The following TEX29 variants were observed in gnomAD, a reference collection of about 807,000 sequenced individuals.
TEX29 encodes testis expressed 29.
TEX29 carries 26 observed loss-of-function variants against 18.2 expected under a neutral mutation model. That is an observed-to-expected ratio of 1.43 (90% CI 1.04 to 1.98). The LOEUF (loss-of-function observed/expected upper bound fraction) is 1.98, where lower values mean the gene tolerates loss of function less well. Ranked by LOEUF, TEX29 falls within the 30% of genes most tolerant of loss-of-function variation. The pLI is 0.00. For synonymous variants in TEX29, 83 were observed against 78.5 expected (o/e 1.06, Z -0.31); for missense variants, 177 against 194.2 (o/e 0.91, Z 0.53).
chr13:111,322,729 A>G (rs2093666783), intron 2 of TEX29, among the ~76,000 whole-genome samples: 1 of 152,224 alleles, frequency 6.6e-6, no homozygotes, highest in African/African-American at 2.4e-5. Flanking sequence ...TGAAGAACGC[A>G]TGCAGGGGCG....
At chr13:111,339,472 C>G in intron 3 of TEX29, 1 of 412,650 alleles carries the variant, frequency 2.4e-6, no homozygotes, top group Non-Finnish European at 4.7e-6. Flanking sequence ...AGCACAACCC[C>G]GTGGGTCAGG....
chr13:111,335,599 A>G (rs2093688503), intron 3 of TEX29, among the ~76,000 whole-genome samples: 1 of 148,024 alleles, frequency 6.8e-6, no homozygotes, highest in Non-Finnish European at 1.5e-5. Flanking sequence ...CATTTCCATC[A>G]TAGAGTTGGA....
chr13:111,324,737 C>G (rs2093669964), intron 2 of TEX29, among the ~76,000 whole-genome samples: 1 of 152,206 alleles, frequency 6.6e-6, no homozygotes, highest in South Asian at 2.1e-4. Flanking sequence ...AACGATGATG[C>G]CTCACTGCCT....
In TEX29 at chr13:111,334,189, T is replaced by C. The variant is rs189038657; in HGVS notation, c.170-5674T>C. Among the ~76,000 whole-genome samples, 486 of 152,332 alleles carry C rather than the reference T, an allele frequency of 3.2e-3. 8 individuals are homozygous for C. Among genetic ancestry groups the C allele is most frequent in the African/African-American group, 0.011 (463 of 41,562 alleles). Reference sequence around the variant, plus strand: ...TGAAAATTGGACATTTTAGGTAAGATAATATAGCACCTCTGAGAATCGGGT... The same window carrying C: ...TGAAAATTGGACATTTTAGGTAAGACAATATAGCACCTCTGAGAATCGGGT... On this transcript the variant is annotated intron_variant, in intron 3 of 5. Transcript: ENST00000283547.
At chr13:111,342,452 T>C (rs916584106) in intron 4 of TEX29, among the ~76,000 whole-genome samples, 4 of 147,308 alleles carry the variant, frequency 2.7e-5, no homozygotes, top group African/African-American at 1.0e-4. Flanking sequence ...CCCAGCACTT[T>C]GGGAGGCTGA....
Position 111,330,898 on chromosome 13 carries a change from G to A in TEX29, c.169+2605G>A, listed in dbSNP as rs117295453. On this transcript the variant is annotated intron_variant, in intron 3 of 5. Coordinates refer to ENST00000283547, the MANE Select transcript of TEX29 (RefSeq NM_152324.3). ...TCAGTACTTCCTTTCTGTTTATTGC[G>A]GAGTCATTGTCCACTGTATAGGTAT... 2.3e-3 allele frequency among the ~76,000 whole-genome samples: 357 copies of A among 152,202 alleles called. 6 individuals are homozygous for A. The East Asian group carries it at 0.034, about 14-fold the overall frequency.
rs1447835073 is a variant in TEX29 at position 111,342,915 on chromosome 13, C to T, written c.399C>T (p.Asp133=). The T allele has an allele frequency of 8.1e-6, 13 of 1,613,958 alleles. No homozygotes were observed. The highest frequency in any genetic ancestry group is 6.7e-5 in the African/African-American group (5 of 74,892). ...PPSAGPSMKS[D]EDKDDVTGTI... ...GTGCTGGGCCCTCGATGAAGAGTGACGAGGATAAGGATGATGGTGAGAAGC... is the reference window on the plus strand; with the variant it reads ...GTGCTGGGCCCTCGATGAAGAGTGATGAGGATAAGGATGATGGTGAGAAGC... The change falls in exon 5 of 6, where the codon GAC becomes GAT. Residue 133 remains aspartate (D), a synonymous_variant. Transcript: ENST00000283547.
chr13:111,320,693 T>C lies in TEX29; in HGVS notation c.-104T>C. Reference sequence around the variant, plus strand: ...CCAGTTTGTTGTTTTACCTAAAAGGTGTTTTCCACGTGGAGTGGGACTGAG... The same window carrying C: ...CCAGTTTGTTGTTTTACCTAAAAGGCGTTTTCCACGTGGAGTGGGACTGAG... On this transcript the variant is annotated 5_prime_UTR_variant, in exon 1 of 6. Coordinates refer to ENST00000283547, the MANE Select transcript of TEX29 (RefSeq NM_152324.3). 1.5e-6 allele frequency: 1 copy of C among 645,418 alleles called. No homozygotes were observed. Among genetic ancestry groups the C allele is most frequent in the Non-Finnish European group, 2.8e-6 (1 of 357,208 alleles). The allele number at this position is 645,418 out of a possible 1,614,324, so 40.0% of individuals were successfully genotyped here. A position where few individuals can be genotyped will look rare whatever the true frequency, so the allele number is the denominator to read the frequency against.
At chr13:111,328,920 C>T (rs2093678539) in intron 3 of TEX29, among the ~76,000 whole-genome samples, 1 of 152,170 alleles carries the variant, frequency 6.6e-6, no homozygotes, top group African/African-American at 2.4e-5. Context: ...GGAGGCGCGC[C>T]CTTCAGAGGA....
chr13:111,319,426 G>A (rs1033208878), upstream of TEX29, among the ~76,000 whole-genome samples: 5 of 152,168 alleles, frequency 3.3e-5, no homozygotes, highest in Admixed American at 3.3e-4. Context: ...TACATAGCAG[G>A]TGAACCTTCT....
chr13:111,325,261 C>A (rs891654924), intron 2 of TEX29, among the ~76,000 whole-genome samples: 6 of 152,260 alleles, frequency 3.9e-5, no homozygotes, highest in African/African-American at 1.2e-4. Flanking sequence ...TCTCCCTCTT[C>A]CCAGCCACGC....
upstream of TEX29, among the ~76,000 whole-genome samples, chr13:111,316,486 C>T (rs1162274790): frequency 1.3e-5 from 2 of 152,238 alleles, no homozygotes; most frequent in Non-Finnish European, 2.9e-5. Context: ...CATTTCCTGG[C>T]ACTTCTGAGT....
chr13:111,342,693 G>GAGGA, intron 4 of TEX29, 63 bp from the exon 5 acceptor site: 1 of 1,535,372 alleles, frequency 6.5e-7, no homozygotes, highest in Non-Finnish European at 8.9e-7. Flanking sequence ...GGGTGGGAGG[G>GAGGA]AGGAACTGGA....
chr13:111,318,565 G>A (rs768676937), upstream of TEX29, among the ~76,000 whole-genome samples: 1 of 152,138 alleles, frequency 6.6e-6, no homozygotes, highest in Non-Finnish European at 1.5e-5. Flanking sequence ...AGTGGCTCCC[G>A]CAGCTTCCCG....
At chr13:111,339,754 G>C in intron 3 of TEX29, 109 bp from the exon 4 acceptor site, 1 of 1,061,588 alleles carries the variant, frequency 9.4e-7, no homozygotes, top group South Asian at 1.3e-5. Context: ...ACCATGGGCA[G>C]CCGCGCCGGG....
chr13:111,339,524 C>T (rs897126221), intron 3 of TEX29: 9 of 436,638 alleles, frequency 2.1e-5, no homozygotes, highest in South Asian at 4.1e-5. Context: ...GGTCATGAGC[C>T]AGCGCCATCT....
intron 2 of TEX29, among the ~76,000 whole-genome samples, chr13:111,327,947 C>G (rs151324825): frequency 1.1e-4 from 16 of 152,232 alleles, no homozygotes; most frequent in African/African-American, 3.9e-4. Context: ...ATCTCCTAAT[C>G]GTTAGAGGCC....
chr13:111,329,745 C>T (rs926654225), intron 3 of TEX29, among the ~76,000 whole-genome samples: 2 of 152,062 alleles, frequency 1.3e-5, no homozygotes, highest in African/African-American at 2.4e-5. Context: ...ATGGGAGGCA[C>T]ATGGGAGGGG....
chr13:111,327,455 G>A (rs1411807540), intron 2 of TEX29, among the ~76,000 whole-genome samples: 1 of 152,178 alleles, frequency 6.6e-6, no homozygotes, highest in Admixed American at 6.5e-5. Flanking sequence ...CTGGGGCATG[G>A]AGCCTGGCTT....
Sources: allele counts gnomAD v4.1 joint callset (sites outside exome capture counted in the v4.1 genomes callset), GRCh38; gene constraint gnomAD v4.1.1; transcripts MANE v1.5; gene names NCBI Gene and HGNC (gene_info 2026-07-23, HGNC 2026-07-21).